ST3GAL1: variants seen among roughly 807,000 people sequenced by gnomAD.
ST3GAL1 encodes the protein ST3 beta-galactoside alpha-2,3-sialyltransferase 1, also known as CMP-N-acetylneuraminate-beta-galactosamide-alpha-2,3-sialyltransferase 1.
Under a neutral mutation model 34.1 loss-of-function variants are expected in ST3GAL1, and 16 were observed. That is an observed-to-expected ratio of 0.47 (90% CI 0.32 to 0.71). The LOEUF (loss-of-function observed/expected upper bound fraction) is 0.71, where lower values mean the gene tolerates loss of function less well. Among genes scored for constraint, ST3GAL1 ranks in the 30% least tolerant of loss-of-function variants. The pLI is 0.04. For synonymous variants in ST3GAL1, 191 were observed against 184.7 expected, an observed-to-expected ratio of 1.03 and a Z score of -0.28; for missense variants, 353 against 447.4, an observed-to-expected ratio of 0.79 and a Z score of 1.90.
rs1408984676 is a variant in ST3GAL1 at position 133,457,332 on chromosome 8, C to G, written c.*2432G>C. On this transcript the variant is annotated 3_prime_UTR_variant, in exon 10 of 10. Coordinates refer to ENST00000522652, the MANE Select transcript of ST3GAL1 (RefSeq NM_173344.3). ...CTTACACAGCAAAACCCAGAGAAGT[C>G]GACTGCTCAGCCTGAGCCTGTCATC... The G allele has an allele frequency of 6.6e-6, 1 of 152,192 alleles. No individual in the cohort carries two copies. The highest frequency in any genetic ancestry group is 2.1e-4 in the South Asian group (1 of 4,828). The allele number at this position is 152,192 out of a possible 1,614,324, so 9.4% of individuals were successfully genotyped here. A position where few individuals can be genotyped will look rare whatever the true frequency, so the allele number is the denominator to read the frequency against.
chr8:133,467,114 C>G lies in ST3GAL1; in HGVS notation c.307-1024G>C, dbSNP rs907564296. 6.6e-6 allele frequency among the ~76,000 whole-genome samples: 1 copy of G among 150,612 alleles called. No homozygotes were observed. The highest frequency in any genetic ancestry group is 1.5e-5 in the Non-Finnish European group (1 of 67,668). On this transcript the variant is annotated intron_variant, in intron 5 of 9. Coordinates refer to ENST00000522652, the MANE Select transcript of ST3GAL1 (RefSeq NM_173344.3). This position sits in a 1 kb window ranked among gnomAD's most constrained non-coding sequence, Gnocchi z 4.2. The stretch of plus-strand genomic sequence containing the variant: ...CAACTCGAAAAAAAAAAAAAAAAGA[C>G]CTAGCTCGAGGGTCAGCTGCTCGCA...
intron 4 of ST3GAL1, 34 bp downstream of exon 4, chr8:133,476,244 T>C (rs1816172210): frequency 2.1e-6 from 1 of 480,922 alleles, no homozygotes; most frequent in African/African-American, 1.9e-5. Flanking sequence ...CCAACGCCAT[T>C]CGTGGCATGT....
chr8:133,501,350 C>T (rs145038991), intron 2 of ST3GAL1, among the ~76,000 whole-genome samples: 20 of 152,284 alleles, frequency 1.3e-4, no homozygotes, highest in African/African-American at 2.9e-4. Flanking sequence ...CAGCCCTATC[C>T]GGCAGGGTCA....
chr8:133,486,139 G>A (rs771366701), intron 3 of ST3GAL1, among the ~76,000 whole-genome samples: 44 of 152,148 alleles, frequency 2.9e-4, no homozygotes, highest in African/African-American at 9.7e-5. Context: ...CAAGGCCCTC[G>A]GCCGGTAGGT....
chr8:133,500,493 G>A (rs1401657041), intron 2 of ST3GAL1, among the ~76,000 whole-genome samples: 2 of 152,188 alleles, frequency 1.3e-5, no homozygotes, highest in Non-Finnish European at 2.9e-5. Flanking sequence ...AGGTTATAGG[G>A]AGGAGACACA....
rs1342106940 is a variant in ST3GAL1, at chr8:133,459,078, G to C, written c.*686C>G. ...TTTTTTTAAATCTTTTATTTTTGTA[G>C]AGACAGGAGTCTCACTATGTTGCCC... On this transcript the variant is annotated 3_prime_UTR_variant, in exon 10 of 10. Coordinates refer to ENST00000522652, the MANE Select transcript of ST3GAL1 (RefSeq NM_173344.3). This position sits in a 1 kb window ranked among gnomAD's most constrained non-coding sequence, Gnocchi z 4.7. The C allele has an allele frequency of 6.6e-6, 1 of 151,874 alleles. No homozygotes were observed. Among genetic ancestry groups the C allele is most frequent in the Non-Finnish European group, 1.5e-5 (1 of 68,028 alleles). The allele number at this position is 151,874 out of a possible 1,614,324, so 9.4% of individuals were successfully genotyped here. A position where few individuals can be genotyped will look rare whatever the true frequency, so the allele number is the denominator to read the frequency against.
intron 3 of ST3GAL1, among the ~76,000 whole-genome samples, chr8:133,490,019 A>G (rs1816739475): frequency 6.6e-6 from 1 of 152,014 alleles, no homozygotes; most frequent in Non-Finnish European, 1.5e-5. Flanking sequence ...TGCCTGACCC[A>G]TCCATAGCTA....
rs1488974018 is a variant in ST3GAL1, at chr8:133,458,656, G to A, written c.*1108C>T. Reference sequence around the variant, plus strand: ...AACCAGAAAAGATGTTCCCAGCTACGGAGCAAGCAGGGCCGCTGGTGGGGG... The same window carrying A: ...AACCAGAAAAGATGTTCCCAGCTACAGAGCAAGCAGGGCCGCTGGTGGGGG... On this transcript the variant is annotated 3_prime_UTR_variant, in exon 10 of 10. Transcript: ENST00000522652. 2.0e-5 allele frequency: 3 copies of A among 152,232 alleles called. No homozygotes were observed. The highest frequency in any genetic ancestry group is 4.8e-5 in the African/African-American group (2 of 41,454). The allele number at this position is 152,232 out of a possible 1,614,324, so 9.4% of individuals were successfully genotyped here. A position where few individuals can be genotyped will look rare whatever the true frequency, so the allele number is the denominator to read the frequency against.
intron 7 of ST3GAL1, among the ~76,000 whole-genome samples, chr8:133,464,227 G>A (rs989027801): frequency 6.6e-6 from 1 of 152,160 alleles, no homozygotes; most frequent in Non-Finnish European, 1.5e-5. Flanking sequence ...AATGGCTATT[G>A]TGAGGATTCA....
chr8:133,488,089 T>G (rs1204241422), intron 3 of ST3GAL1: 2 of 151,810 alleles, frequency 1.3e-5, no homozygotes, highest in African/African-American at 2.4e-5. Flanking sequence ...GCTGTGATGG[T>G]TAGATTTAAT....
At chr8:133,528,517 A>C (rs1818042927) in intron 2 of ST3GAL1, among the ~76,000 whole-genome samples, 1 of 152,244 alleles carries the variant, frequency 6.6e-6, no homozygotes, top group African/African-American at 2.4e-5. Flanking sequence ...TGAGCTATAC[A>C]AGCTGTTTCC....
chr8:133,540,856 CAT>C lies in ST3GAL1; in HGVS notation c.-429+4916_-429+4917del, dbSNP rs71299075. ...ATATAGAGAGACATATATATAGAGA[CAT>C]ATATATAGAGACATATATATAGAGA... On this transcript the variant is annotated intron_variant, in intron 2 of 9. Coordinates refer to ENST00000522652, the MANE Select transcript of ST3GAL1 (RefSeq NM_173344.3). Among the ~76,000 whole-genome samples the C allele has an allele frequency of 7.9e-4, 63 of 79,358 alleles. 3 individuals are homozygous for C. The highest frequency in any genetic ancestry group is 2.7e-3 in the African/African-American group (52 of 18,986). The allele number at this position is 79,358 out of a possible 152,430, so 52.1% of individuals were successfully genotyped here.
chr8:133,568,980 T>C (rs1387823289), intron 1 of ST3GAL1, among the ~76,000 whole-genome samples: 1 of 152,196 alleles, frequency 6.6e-6, no homozygotes, highest in African/African-American at 2.4e-5. Flanking sequence ...CAGCCCTGAT[T>C]ACAATCAGCA....
chr8:133,564,172 A>C (rs968544949), intron 1 of ST3GAL1, among the ~76,000 whole-genome samples: 1 of 152,240 alleles, frequency 6.6e-6, no homozygotes, highest in Non-Finnish European at 1.5e-5. Flanking sequence ...AGAGAGAGTC[A>C]ATTTCTCAAA....
At chr8:133,513,019 T>C (rs921405929) in intron 2 of ST3GAL1, among the ~76,000 whole-genome samples, 1 of 152,176 alleles carries the variant, frequency 6.6e-6, no homozygotes, top group African/African-American at 2.4e-5. Context: ...GGGTCTCACC[T>C]GGGGTCTCAC....
At position 133,461,515 on chromosome 8, in the gene ST3GAL1, C is replaced by G. The variant is rs901740865; in HGVS notation, c.849+360G>C. 1.3e-5 allele frequency among the ~76,000 whole-genome samples: 2 copies of G among 152,084 alleles called. No individual in the cohort carries two copies. Among genetic ancestry groups the G allele is most frequent in the Admixed American group, 6.5e-5 (1 of 15,278 alleles). ...GTGGCTTGGGTGCTGGAACTTAGAC[C>G]CACAGATGATTCTAAGGAGCAAGTG... On this transcript the variant is annotated intron_variant, in intron 9 of 9. Transcript: ENST00000522652. The surrounding 1 kb of genome is among the most constrained non-coding windows in gnomAD (Gnocchi z 4.7).
chr8:133,497,455 A>ATTTTTTTTTT lies in ST3GAL1; in HGVS notation c.-374+1679_-374+1680insAAAAAAAAAA, dbSNP rs1816988627. ...CTTCTCTCCCATGCAATTTTGTTGG[A>ATTTTTTTTTT]ATTTTTTTTTTTTTTTTTTTTTTTT... is the stretch of plus-strand genomic sequence containing the variant. On this transcript the variant is annotated intron_variant, in intron 3 of 9. Transcript: ENST00000522652. Among the ~76,000 whole-genome samples the ATTTTTTTTTT allele has an allele frequency of 1.4e-4, 14 of 101,242 alleles. 7 individuals carry two copies. Among genetic ancestry groups the ATTTTTTTTTT allele is most frequent in the African/African-American group, 7.5e-5 (2 of 26,532 alleles). 66.4% of individuals were successfully genotyped at this position (101,242 alleles called of 152,430 possible).
chr8:133,540,109 A>T (rs959290300), intron 2 of ST3GAL1, among the ~76,000 whole-genome samples: 2 of 152,074 alleles, frequency 1.3e-5, no homozygotes, highest in African/African-American at 4.8e-5. Flanking sequence ...CACTCACGCC[A>T]CTTGGATCCA....
chr8:133,562,836 TCCTTCC>T (rs1819279096), intron 1 of ST3GAL1, among the ~76,000 whole-genome samples: 3 of 115,098 alleles, frequency 2.6e-5, no homozygotes, highest in Non-Finnish European at 3.5e-5. Context: ...CTTCCTTCCT[TCCTTCC>T]TTTCTTTCTT....
Sources: allele counts gnomAD v4.1 joint callset (sites outside exome capture counted in the v4.1 genomes callset), GRCh38; gene constraint gnomAD v4.1.1; non-coding constraint Gnocchi (gnomAD v3.1); transcripts MANE v1.5; gene names NCBI Gene and HGNC (gene_info 2026-07-23, HGNC 2026-07-21).